CRADD: variants seen among roughly 807,000 people sequenced by gnomAD.
The protein encoded by CRADD is CARD and death domain containing adaptor protein, also known as death domain-containing protein CRADD.
In CRADD, 9 loss-of-function variants were observed where a neutral mutation model predicts 15.5. That is an observed-to-expected ratio of 0.58 (90% confidence interval 0.35 to 1.01). CRADD has a LOEUF of 1.01. Ranked by LOEUF, CRADD falls within the 50% of genes least tolerant of loss-of-function variation. The pLI is 0.02. For missense variants in CRADD, 227 were observed against 250.3 expected (o/e 0.91, Z 0.63); for synonymous variants, 118 against 107.6 (o/e 1.10, Z -0.60).
intron 2 of CRADD, among the ~76,000 whole-genome samples, chr12:93,764,972 A>C (rs1354604498): frequency 6.6e-6 from 1 of 151,972 alleles, no homozygotes; most frequent in Non-Finnish European, 1.5e-5. Context: ...AATGAACTCG[A>C]GATAATTAAA....
chr12:93,888,282 G>C (rs998482235), intron 2 of CRADD, among the ~76,000 whole-genome samples: 1 of 152,064 alleles, frequency 6.6e-6, no homozygotes, highest in Non-Finnish European at 1.5e-5. Context: ...AAAAATTAGC[G>C]GGCATGGTGG....
intron 2 of CRADD, among the ~76,000 whole-genome samples, chr12:93,803,765 C>T (rs1565919870): frequency 2.0e-5 from 3 of 152,032 alleles, no homozygotes; most frequent in East Asian, 3.9e-4. Context: ...AAATATGTTA[C>T]CTCCATGGCA....
intron 2 of CRADD, among the ~76,000 whole-genome samples, chr12:93,879,015 A>G (rs1475251230): frequency 6.6e-6 from 1 of 152,058 alleles, no homozygotes; most frequent in East Asian, 1.9e-4. Flanking sequence ...ATTTTTATTA[A>G]GCAGATTTTT....
chr12:93,862,307 C>T (rs1433612587), intron 2 of CRADD, among the ~76,000 whole-genome samples: 2 of 152,212 alleles, frequency 1.3e-5, no homozygotes, highest in East Asian at 3.8e-4. Flanking sequence ...TACAAACTAC[C>T]TTTATCATAC....
intron 2 of CRADD, among the ~76,000 whole-genome samples, chr12:93,781,797 C>A (rs1164277872): frequency 6.6e-6 from 1 of 152,192 alleles, no homozygotes; most frequent in Non-Finnish European, 1.5e-5. Flanking sequence ...ACAGATCAGC[C>A]AATGCCTGAA....
At chr12:93,773,676 T>C (rs1180439630) in intron 2 of CRADD, among the ~76,000 whole-genome samples, 1 of 151,974 alleles carries the variant, frequency 6.6e-6, no homozygotes, top group Admixed American at 6.6e-5. Context: ...GGAACCCTCA[T>C]TGAATCATCT....
intron 2 of CRADD, among the ~76,000 whole-genome samples, chr12:93,722,386 A>T (rs1956280508): frequency 6.6e-6 from 1 of 151,854 alleles, no homozygotes; most frequent in Non-Finnish European, 1.5e-5. Flanking sequence ...GGTGTCTGGC[A>T]TTAATTTGGG....
At chr12:93,845,110 G>A (rs141078674) in intron 2 of CRADD, among the ~76,000 whole-genome samples, 83 of 152,252 alleles carry the variant, frequency 5.5e-4, no homozygotes, top group African/African-American at 1.9e-3. Flanking sequence ...GGCAGAGTGG[G>A]CCCTGGTCTA....
At chr12:93,694,828 G>A (rs1955662435) in intron 2 of CRADD, among the ~76,000 whole-genome samples, 3 of 152,082 alleles carry the variant, frequency 2.0e-5, no homozygotes, top group Admixed American at 1.3e-4. Context: ...CAAATAAATG[G>A]GAGGAAACCT....
chr12:93,881,171 A>G (rs752981594), intron 2 of CRADD, among the ~76,000 whole-genome samples: 2 of 152,216 alleles, frequency 1.3e-5, no homozygotes, highest in African/African-American at 4.8e-5. Flanking sequence ...GACAAAGTCA[A>G]TCAAACCACC....
At chr12:93,773,164 G>GT (rs1422036368) in intron 2 of CRADD, among the ~76,000 whole-genome samples, 1 of 152,162 alleles carries the variant, frequency 6.6e-6, no homozygotes, top group Non-Finnish European at 1.5e-5. Context: ...TATGTCTTAC[G>GT]TAAGTCAGAG....
chr12:93,726,644 A>G (rs912526302), intron 2 of CRADD, among the ~76,000 whole-genome samples: 1 of 152,234 alleles, frequency 6.6e-6, no homozygotes, highest in Non-Finnish European at 1.5e-5. Context: ...TATAAATACA[A>G]TAATAACACT....
intron 2 of CRADD, among the ~76,000 whole-genome samples, chr12:93,806,303 T>G (rs964288415): frequency 6.6e-6 from 1 of 151,592 alleles, no homozygotes; most frequent in African/African-American, 2.4e-5. Context: ...ATACAAAAAA[T>G]TAGCTGGGCT....
chr12:93,687,825 G>C (rs1407753261), intron 2 of CRADD, among the ~76,000 whole-genome samples: 1 of 152,198 alleles, frequency 6.6e-6, no homozygotes, highest in Non-Finnish European at 1.5e-5. Context: ...CCCCATACAG[G>C]GGGTGATGCT....
intron 2 of CRADD, among the ~76,000 whole-genome samples, chr12:93,760,996 G>A (rs538920195): frequency 1.2e-4 from 18 of 152,026 alleles, no homozygotes; most frequent in Non-Finnish European, 2.2e-4. Flanking sequence ...GTGAGATAGG[G>A]AGAGGAAGCC....
downstream of CRADD, among the ~76,000 whole-genome samples, chr12:93,851,994 C>T (rs141819188): frequency 7.1e-4 from 108 of 152,314 alleles, 1 homozygote; most frequent in East Asian, 0.019. Flanking sequence ...CCAGTGAATT[C>T]GGTTCAAAAG....
intron 2 of CRADD, among the ~76,000 whole-genome samples, chr12:93,834,285 A>G (rs1261233350): frequency 6.6e-6 from 1 of 152,202 alleles, no homozygotes; most frequent in Admixed American, 6.5e-5. Context: ...CCTTTCTGCC[A>G]TGATAAATAA....
At chr12:93,840,728 G>A (rs1474582159) in intron 2 of CRADD, among the ~76,000 whole-genome samples, 4 of 151,866 alleles carry the variant, frequency 2.6e-5, no homozygotes, top group Non-Finnish European at 4.4e-5. Context: ...CACCACGCCT[G>A]GCTAATTTTG....
chr12:93,788,732 C>T (rs551560581), intron 2 of CRADD, among the ~76,000 whole-genome samples: 1 of 152,254 alleles, frequency 6.6e-6, no homozygotes, highest in East Asian at 1.9e-4. Flanking sequence ...CTTTCCAGCC[C>T]CAGCTCTGCC....
Sources: gnomAD v4.1 joint callset for allele counts (sites outside exome capture counted in the v4.1 genomes callset) on GRCh38, gnomAD v4.1.1 for gene constraint, MANE v1.5 for transcripts, NCBI Gene and HGNC (gene_info 2026-07-23, HGNC 2026-07-21) for gene names.